The following EXOC6B variants were observed in gnomAD, a reference collection of about 807,000 sequenced individuals.
The protein encoded by EXOC6B is exocyst complex component 6B, also known as SEC15 homolog B.
Under a neutral mutation model 113.5 loss-of-function variants are expected in EXOC6B, and 54 were observed. The observed-to-expected ratio is 0.48, with a 90% CI of 0.38 to 0.60. EXOC6B has a LOEUF of 0.60. Among genes scored for constraint, EXOC6B ranks in the 20% least tolerant of loss-of-function variants. The probability of loss-of-function intolerance (pLI) is 0.00; values close to 1 mark genes in which losing one functional copy is unlikely to be tolerated. For synonymous variants in EXOC6B, 357 were observed against 339.0 expected, an observed-to-expected ratio of 1.05 and a Z score of -0.58; for missense variants, 797 against 977.5, an observed-to-expected ratio of 0.82 and a Z score of 2.46.
intron 19 of EXOC6B, among the ~76,000 whole-genome samples, chr2:72,359,065 A>G (rs1690140546): frequency 6.6e-6 from 1 of 152,220 alleles, no homozygotes; most frequent in Non-Finnish European, 1.5e-5. Flanking sequence ...TCCTTGTCCT[A>G]ACTAATCTGC....
At chr2:72,676,127 A>T (rs966340425) in intron 6 of EXOC6B, among the ~76,000 whole-genome samples, 6 of 131,466 alleles carry the variant, frequency 4.6e-5, no homozygotes, top group South Asian at 2.3e-4. Flanking sequence ...ATTCTAGTTT[A>T]AAAAAAAAAA....
chr2:72,653,071 A>G (rs888025155), intron 6 of EXOC6B, among the ~76,000 whole-genome samples: 5 of 151,950 alleles, frequency 3.3e-5, no homozygotes, highest in Non-Finnish European at 5.9e-5. Flanking sequence ...GCAGGAAAAT[A>G]CTATAAATCA....
intron 20 of EXOC6B, among the ~76,000 whole-genome samples, chr2:72,210,632 G>A (rs996306731): frequency 1.3e-5 from 2 of 152,206 alleles, no homozygotes; most frequent in African/African-American, 4.8e-5. Context: ...TCTCCAGAAG[G>A]TTGTACAGTT....
chr2:72,559,989 G>C (rs1703802710), intron 7 of EXOC6B, among the ~76,000 whole-genome samples: 1 of 152,084 alleles, frequency 6.6e-6, no homozygotes, highest in Admixed American at 6.5e-5. Context: ...AAGAACACAA[G>C]AATTCGTCAA....
At chr2:72,186,552 T>G (rs986540791) in intron 20 of EXOC6B, among the ~76,000 whole-genome samples, 1 of 150,606 alleles carries the variant, frequency 6.6e-6, no homozygotes, top group African/African-American at 2.5e-5. Flanking sequence ...AAAAAAACCC[T>G]AGGAAGCCTT....
At chr2:72,282,056 A>T (rs1685160191) in intron 20 of EXOC6B, among the ~76,000 whole-genome samples, 1 of 152,124 alleles carries the variant, frequency 6.6e-6, no homozygotes, top group Non-Finnish European at 1.5e-5. Context: ...TTCTTCAATA[A>T]TGAAGCCCTC....
At chr2:72,677,509 A>G (rs1459972834) in intron 6 of EXOC6B, among the ~76,000 whole-genome samples, 1 of 152,096 alleles carries the variant, frequency 6.6e-6, no homozygotes, top group African/African-American at 2.4e-5. Context: ...CAGACACCAA[A>G]CACCTTCAAG....
intron 18 of EXOC6B, among the ~76,000 whole-genome samples, chr2:72,399,791 C>T (rs1693017564): frequency 6.6e-6 from 1 of 151,878 alleles, no homozygotes; most frequent in Non-Finnish European, 1.5e-5. Context: ...GATGACACAA[C>T]CAAATGGAAA....
intron 19 of EXOC6B, among the ~76,000 whole-genome samples, chr2:72,372,695 G>A (rs6714312): frequency 0.36 from 54,494 of 151,586 alleles, 15,856 homozygotes; most frequent in African/African-American, 0.81. Context: ...AATACAAAAA[G>A]ATAGGCGGGT....
At chr2:72,527,454 GA>G (rs1434197278) in intron 8 of EXOC6B, among the ~76,000 whole-genome samples, 1 of 151,930 alleles carries the variant, frequency 6.6e-6, no homozygotes, top group Non-Finnish European at 1.5e-5. Flanking sequence ...ACCTGTTAAA[GA>G]ACATCTAGGT....
intron 6 of EXOC6B, among the ~76,000 whole-genome samples, chr2:72,659,096 T>C (rs572642264): frequency 3.9e-5 from 6 of 152,244 alleles, no homozygotes; most frequent in African/African-American, 7.2e-5. Flanking sequence ...CAAATTATTT[T>C]TGGAAGTAGG....
At chr2:72,739,063 AC>A (rs1477871186) in intron 2 of EXOC6B, among the ~76,000 whole-genome samples, 1 of 152,220 alleles carries the variant, frequency 6.6e-6, no homozygotes, top group African/African-American at 2.4e-5. Context: ...CATTAAGCAA[AC>A]ATCTCTAATA....
intron 18 of EXOC6B, among the ~76,000 whole-genome samples, chr2:72,396,412 C>T (rs936291480): frequency 2.6e-5 from 4 of 151,988 alleles, no homozygotes; most frequent in African/African-American, 9.7e-5. Flanking sequence ...AATAAATATC[C>T]ACTGAAAAAA....
chr2:72,292,986 C>G (rs896862150), intron 20 of EXOC6B, among the ~76,000 whole-genome samples: 3 of 152,114 alleles, frequency 2.0e-5, no homozygotes, highest in African/African-American at 7.2e-5. Context: ...AATAAAGCTG[C>G]TTTGAACATT....
In EXOC6B at chr2:72,178,712, C is replaced by G. The variant is rs1036718916; in HGVS notation, c.*623G>C. 1 of 152,162 alleles carries G rather than the reference C, an allele frequency of 6.6e-6. No homozygotes were observed. Among genetic ancestry groups the G allele is most frequent in the African/African-American group, 2.4e-5 (1 of 41,428 alleles). 9.4% of individuals were successfully genotyped at this position (152,162 alleles called of 1,614,324 possible). On this transcript the variant is annotated 3_prime_UTR_variant, in exon 22 of 22. Coordinates refer to ENST00000272427, the MANE Select transcript of EXOC6B (RefSeq NM_015189.3). ...CCCTAGAAAAAATTGCAATAAAAGC[C>G]TGGGGTTAGATCAGGCTAAAGAAAC...
At chr2:72,543,130 T>C (rs1347581909) in intron 8 of EXOC6B, among the ~76,000 whole-genome samples, 4 of 152,074 alleles carry the variant, frequency 2.6e-5, no homozygotes, top group Non-Finnish European at 5.9e-5. Flanking sequence ...TGAGAGCACA[T>C]GGAGTATGGT....
At position 72,767,106 on chromosome 2, in the gene EXOC6B, C is replaced by G. The variant is rs568270962; in HGVS notation, c.114-25637G>C. Among the ~76,000 whole-genome samples, 48 of 152,088 alleles carry G rather than the reference C, an allele frequency of 3.2e-4. 1 individual carries two copies. In the South Asian group the frequency reaches 9.8e-3, roughly 31 times the overall value. ...AGCCAGCAGTTCTCAAAATTTTTTGCCTGGCACTATTTTTATGCTCTCAAA... is the reference window on the plus strand; with the variant it reads ...AGCCAGCAGTTCTCAAAATTTTTTGGCTGGCACTATTTTTATGCTCTCAAA... On this transcript the variant is annotated intron_variant, in intron 1 of 21. Coordinates refer to ENST00000272427, the MANE Select transcript of EXOC6B (RefSeq NM_015189.3).
chr2:72,316,921 C>T (rs974054553), intron 20 of EXOC6B, among the ~76,000 whole-genome samples: 3 of 152,188 alleles, frequency 2.0e-5, no homozygotes, highest in African/African-American at 4.8e-5. Flanking sequence ...TGTCACTCTA[C>T]AGAGAGAGTA....
chr2:72,184,450 C>T (rs1013503369), intron 20 of EXOC6B, among the ~76,000 whole-genome samples: 2 of 152,132 alleles, frequency 1.3e-5, no homozygotes, highest in Non-Finnish European at 2.9e-5. Context: ...TCAGAGGCAA[C>T]CCTGTAAAGA....
Sources: gnomAD v4.1 joint callset for allele counts (sites outside exome capture counted in the v4.1 genomes callset) on GRCh38, gnomAD v4.1.1 for gene constraint, MANE v1.5 for transcripts, NCBI Gene and HGNC (gene_info 2026-07-23, HGNC 2026-07-21) for gene names.